Variants in MRPS28 observed in about 807,000 individuals in gnomAD.
The protein encoded by MRPS28 is small ribosomal subunit protein bS1m.
Under a neutral mutation model 10.8 loss-of-function variants are expected in MRPS28, and 7 were observed. The ratio of observed to expected loss-of-function variants is 0.65; its 90% CI spans 0.37 to 1.22. The LOEUF (loss-of-function observed/expected upper bound fraction) is 1.22, where lower values mean the gene tolerates loss of function less well. Ranked by LOEUF, MRPS28 falls within the 50% of genes most tolerant of loss-of-function variation. MRPS28 has a pLI of 0.02. For missense variants in MRPS28, 265 were observed against 232.9 expected (o/e 1.14, Z -0.90); for synonymous variants, 121 against 93.3 (o/e 1.30, Z -1.71).
intron 2 of MRPS28, among the ~76,000 whole-genome samples, chr8:79,938,388 G>A (rs1223693236): frequency 6.7e-6 from 1 of 149,980 alleles, no homozygotes; most frequent in Non-Finnish European, 1.5e-5. Flanking sequence ...AACAGTAGAG[G>A]TAGGATTCCA....
rs117053600 is a variant in MRPS28 at position 80,008,118 on chromosome 8, G to A, written c.214-4938C>T. On this transcript the variant is annotated intron_variant, in intron 1 of 2. Coordinates refer to ENST00000276585, the MANE Select transcript of MRPS28 (RefSeq NM_014018.3). Reference sequence around the variant, plus strand: ...GAATGGAGCCCTCAGAAATAAAGCCGTGTATCTACAACTATCTGATCTTTG... The same window carrying A: ...GAATGGAGCCCTCAGAAATAAAGCCATGTATCTACAACTATCTGATCTTTG... Among the ~76,000 whole-genome samples the A allele has an allele frequency of 7.0e-4, 106 of 152,146 alleles. No individual in the cohort carries two copies. In the East Asian group the frequency reaches 0.018, roughly 26 times the overall value.
Position 79,918,859 on chromosome 8 carries a change from C to A in MRPS28, c.*121G>T. 1 of 733,556 alleles carries A rather than the reference C, an allele frequency of 1.4e-6. No homozygotes were observed. The highest frequency in any genetic ancestry group is 2.0e-6 in the Non-Finnish European group (1 of 510,676). The allele number at this position is 733,556 out of a possible 1,614,324, so 45.4% of individuals were successfully genotyped here. On this transcript the variant is annotated 3_prime_UTR_variant, in exon 3 of 3. Coordinates refer to ENST00000276585, the MANE Select transcript of MRPS28 (RefSeq NM_014018.3). ...TAAAGAAAATTCTAATAAGAGTTAT[C>A]TATAATTATAGCTTTTATTTATTAT... is the stretch of plus-strand genomic sequence containing the variant.
Position 79,943,938 on chromosome 8 carries a change from G to A in MRPS28, c.396-24790C>T, listed in dbSNP as rs140958315. ...CAAAAAAAACAAAGACACAATATAG[G>A]GAATAGTTCATTTTAGCCATAGTAA... On this transcript the variant is annotated intron_variant, in intron 2 of 2. Coordinates refer to ENST00000276585, the MANE Select transcript of MRPS28 (RefSeq NM_014018.3). Among the ~76,000 whole-genome samples, 286 of 152,078 alleles carry A rather than the reference G, an allele frequency of 1.9e-3. 1 individual carries two copies. The highest frequency in any genetic ancestry group is 3.4e-3 in the Admixed American group (52 of 15,274).
In MRPS28 at chr8:79,941,387, G is replaced by A. The variant is rs985837317; in HGVS notation, c.396-22239C>T. Among the ~76,000 whole-genome samples the A allele has an allele frequency of 5.3e-5, 8 of 152,234 alleles. No homozygotes were observed. In the East Asian group the frequency reaches 1.5e-3, roughly 29 times the overall value. On this transcript the variant is annotated intron_variant, in intron 2 of 2. Coordinates refer to ENST00000276585, the MANE Select transcript of MRPS28 (RefSeq NM_014018.3). ...AAAGTGCTCCAAATGGCAAAAAGAT[G>A]TAACTATTATTCTCGATACTCTCTG...
intron 2 of MRPS28, among the ~76,000 whole-genome samples, chr8:79,919,498 G>A (rs1462143257): frequency 1.3e-5 from 2 of 151,996 alleles, no homozygotes; most frequent in African/African-American, 2.4e-5. Context: ...GTACCACCAC[G>A]GCCAGCTAAT....
chr8:79,963,830 C>T (rs927574113), intron 2 of MRPS28, among the ~76,000 whole-genome samples: 3 of 152,062 alleles, frequency 2.0e-5, no homozygotes, highest in African/African-American at 7.2e-5. Context: ...GCTCCACACT[C>T]GTCCCTGTGG....
chr8:80,029,911 T>TCCGGAAAACTGGGCC, intron 1 of MRPS28, 125 bp downstream of exon 1: 2 of 1,536,068 alleles, frequency 1.3e-6, no homozygotes, highest in East Asian at 4.9e-5. Context: ...GCACCGCAAC[T>TCCGGAAAACTGGGCC]CCGGAAAACT....
In MRPS28 at chr8:79,919,160, A is replaced by T; in HGVS notation, c.396-12T>A. 3 of 1,419,678 alleles carry T rather than the reference A, an allele frequency of 2.1e-6. No individual in the cohort carries two copies. Among genetic ancestry groups the T allele is most frequent in the African/African-American group, 1.5e-5 (1 of 65,820 alleles). The allele number at this position is 1,419,678 out of a possible 1,614,324, so 87.9% of individuals were successfully genotyped here. A position where few individuals can be genotyped will look rare whatever the true frequency, so the allele number is the denominator to read the frequency against. The stretch of plus-strand genomic sequence containing the variant: ...CTTTCTGGTATTTCCTAAATAGTTA[A>T]AAAAAAAAAAATCCATTAATTCTGA... On this transcript the variant is annotated splice_polypyrimidine_tract_variant and intron_variant, in intron 2 of 2. Coordinates refer to ENST00000276585, the MANE Select transcript of MRPS28 (RefSeq NM_014018.3).
rs193262266 is a variant in MRPS28, at chr8:80,004,674, G to A, written c.214-1494C>T. Among the ~76,000 whole-genome samples, 130 of 152,178 alleles carry A rather than the reference G, an allele frequency of 8.5e-4. 1 individual carries two copies. In the Middle Eastern group the frequency reaches 0.01, roughly 12 times the overall value. On this transcript the variant is annotated intron_variant, in intron 1 of 2. Transcript: ENST00000276585. ...GACTTGAGAGAAGAAGGCTTCAGAC[G>A]ATCAAACTTCTCTAAGCTAAAGAAG... is the stretch of plus-strand genomic sequence containing the variant.
intron 2 of MRPS28, among the ~76,000 whole-genome samples, chr8:79,982,238 C>G (rs1807979415): frequency 6.6e-6 from 1 of 152,152 alleles, no homozygotes; most frequent in Admixed American, 6.5e-5. Context: ...CTGAGTGAGA[C>G]TCCATCTCAA....
At chr8:79,922,640 A>G in intron 2 of MRPS28, among the ~76,000 whole-genome samples, 1 of 152,164 alleles carries the variant, frequency 6.6e-6, no homozygotes, top group East Asian at 1.9e-4. Flanking sequence ...AATGCCAGCC[A>G]TAACATATGA....
intron 2 of MRPS28, among the ~76,000 whole-genome samples, chr8:79,931,293 A>C (rs1806454443): frequency 6.6e-6 from 1 of 152,168 alleles, no homozygotes; most frequent in Non-Finnish European, 1.5e-5. Flanking sequence ...GCCCATTTGG[A>C]CTTCCTAAAT....
At chr8:80,010,931 G>A (rs1809023707) in intron 1 of MRPS28, among the ~76,000 whole-genome samples, 1 of 152,180 alleles carries the variant, frequency 6.6e-6, no homozygotes, top group Non-Finnish European at 1.5e-5. Context: ...AGGAATGTAT[G>A]CCATGAGCAA....
intron 2 of MRPS28, among the ~76,000 whole-genome samples, chr8:79,974,463 C>T (rs1807733801): frequency 6.6e-6 from 1 of 151,772 alleles, no homozygotes; most frequent in Admixed American, 6.6e-5. Context: ...ATGGCGTGAA[C>T]CCGAGAGGCA....
intron 2 of MRPS28, among the ~76,000 whole-genome samples, chr8:79,920,771 G>C (rs1810071772): frequency 6.6e-6 from 1 of 152,104 alleles, no homozygotes; most frequent in African/African-American, 2.4e-5. Flanking sequence ...TTCTTTTGCT[G>C]TGCAGAAGCG....
At chr8:80,024,569 CTT>C (rs1809451820) in intron 1 of MRPS28, among the ~76,000 whole-genome samples, 2 of 152,270 alleles carry the variant, frequency 1.3e-5, no homozygotes, top group African/African-American at 4.8e-5. Context: ...TAAGTCTACA[CTT>C]TAATGACTAT....
At chr8:79,970,222 T>TA (rs1464058304) in intron 2 of MRPS28, among the ~76,000 whole-genome samples, 9 of 152,154 alleles carry the variant, frequency 5.9e-5, no homozygotes, top group Non-Finnish European at 1.0e-4. Context: ...GGGTTTTTTT[T>TA]ACCTAGATTC....
intron 1 of MRPS28, among the ~76,000 whole-genome samples, chr8:80,029,414 T>A (rs1809585423): frequency 6.6e-6 from 1 of 152,154 alleles, no homozygotes; most frequent in Non-Finnish European, 1.5e-5. Flanking sequence ...GTAATTTTAT[T>A]TCTTCCATTT....
chr8:80,024,764 C>A (rs532360943), intron 1 of MRPS28, among the ~76,000 whole-genome samples: 8 of 152,266 alleles, frequency 5.3e-5, no homozygotes, highest in Admixed American at 3.3e-4. Flanking sequence ...AAGCATTATG[C>A]AAAGGATGAA....
Sources: allele counts gnomAD v4.1 joint callset (sites outside exome capture counted in the v4.1 genomes callset), GRCh38; gene constraint gnomAD v4.1.1; transcripts MANE v1.5; gene names NCBI Gene and HGNC (gene_info 2026-07-23, HGNC 2026-07-21).